WWOX: variants seen among roughly 807,000 people sequenced by gnomAD.
WWOX encodes the protein WW domain containing oxidoreductase.
WWOX carries 69 observed loss-of-function variants against 46.2 expected under a neutral mutation model. The observed-to-expected ratio is 1.49, with a 90% CI of 1.23 to 1.82. WWOX has a LOEUF of 1.82. WWOX is among the 40% of genes most tolerant of loss of function. The probability of loss-of-function intolerance (pLI) is 0.00; values close to 1 mark genes in which losing one functional copy is unlikely to be tolerated. For missense variants in WWOX, 919 were observed against 542.6 expected (o/e 1.69, Z -6.89); for synonymous variants, 359 against 202.6 (o/e 1.77, Z -6.56).
At chr16:78,575,750 C>T (rs549472143) in intron 8 of WWOX, among the ~76,000 whole-genome samples, 2 of 152,248 alleles carry the variant, frequency 1.3e-5, no homozygotes, top group African/African-American at 4.8e-5. Context: ...TTCATTAAAT[C>T]ACAACTCTAT....
chr16:78,993,386 A>G (rs1011164842), intron 8 of WWOX, among the ~76,000 whole-genome samples: 1 of 152,146 alleles, frequency 6.6e-6, no homozygotes, highest in African/African-American at 2.4e-5. Context: ...CAAGAGGGTA[A>G]TGTGTCATTA....
In WWOX at chr16:78,644,951, G is replaced by A. The variant is rs145307105; in HGVS notation, c.1056+212199G>A. Among the ~76,000 whole-genome samples the A allele has an allele frequency of 1.9e-3, 292 of 152,266 alleles. 3 individuals carry two copies. Among genetic ancestry groups the A allele is most frequent in the Non-Finnish European group, 3.2e-3 (219 of 68,026 alleles). ...TATTTTTGTGGAATTCTTTGAACTC[G>A]TTACTATTAGTAAACGGTGAGTTTT... On this transcript the variant is annotated intron_variant, in intron 8 of 8. Transcript: ENST00000566780.
chr16:78,330,555 G>T (rs1054567209), intron 5 of WWOX, among the ~76,000 whole-genome samples: 1 of 152,066 alleles, frequency 6.6e-6, no homozygotes, highest in Non-Finnish European at 1.5e-5. Context: ...TGCCACCACC[G>T]CCAGCTAATT....
intron 8 of WWOX, among the ~76,000 whole-genome samples, chr16:78,968,110 G>A (rs1226161881): frequency 6.7e-6 from 1 of 148,676 alleles, no homozygotes; most frequent in African/African-American, 2.6e-5. Context: ...ACAGCGCGTG[G>A]TCCGCGTGGC....
intron 8 of WWOX, among the ~76,000 whole-genome samples, chr16:79,145,687 A>T (rs1469507390): frequency 6.6e-6 from 1 of 152,262 alleles, no homozygotes; most frequent in East Asian, 1.9e-4. Flanking sequence ...AACTTCTGTA[A>T]TTATAATCCT....
At chr16:78,567,750 A>T (rs1404935196) in intron 8 of WWOX, among the ~76,000 whole-genome samples, 1 of 151,832 alleles carries the variant, frequency 6.6e-6, no homozygotes, top group Non-Finnish European at 1.5e-5. Context: ...TGAGTCGGGG[A>T]GAAAAGGACA....
At chr16:78,376,251 T>A (rs1363661529) in intron 5 of WWOX, among the ~76,000 whole-genome samples, 1 of 123,988 alleles carries the variant, frequency 8.1e-6, no homozygotes, top group East Asian at 1.9e-4. Context: ...GCTTAGAGAA[T>A]GTAAGTAAAA....
At chr16:78,451,215 C>T (rs1381667397) in intron 8 of WWOX, among the ~76,000 whole-genome samples, 1 of 152,172 alleles carries the variant, frequency 6.6e-6, no homozygotes, top group Non-Finnish European at 1.5e-5. Context: ...GCAAGTCCTC[C>T]TGACCAGGGA....
At chr16:78,817,551 C>G (rs1277102025) in intron 8 of WWOX, among the ~76,000 whole-genome samples, 1 of 152,196 alleles carries the variant, frequency 6.6e-6, no homozygotes, top group African/African-American at 2.4e-5. Flanking sequence ...AATCAAAATT[C>G]ACGAACCCAT....
chr16:78,432,836 C>A, intron 8 of WWOX, 84 bp downstream of exon 8: 1 of 1,595,766 alleles, frequency 6.3e-7, no homozygotes, highest in East Asian at 2.2e-5. Context: ...TTACCTCTTG[C>A]GGGCATGAGT....
chr16:78,493,096 G>T (rs889278713), intron 8 of WWOX, among the ~76,000 whole-genome samples: 2 of 152,102 alleles, frequency 1.3e-5, no homozygotes, highest in African/African-American at 4.8e-5. Context: ...ACAACTCGGG[G>T]AATTTTAGGT....
chr16:78,575,490 A>G (rs1232230110), intron 8 of WWOX, among the ~76,000 whole-genome samples: 1 of 151,994 alleles, frequency 6.6e-6, no homozygotes, highest in Non-Finnish European at 1.5e-5. Context: ...TGCATGGAGG[A>G]CAAGAAGGCA....
At chr16:78,689,997 A>G (rs998000417) in intron 8 of WWOX, among the ~76,000 whole-genome samples, 2 of 151,964 alleles carry the variant, frequency 1.3e-5, no homozygotes, top group Non-Finnish European at 2.9e-5. Flanking sequence ...AGTAGCTGGG[A>G]TTACAGGTGC....
At chr16:78,787,706 T>A (rs1040908980) in intron 8 of WWOX, among the ~76,000 whole-genome samples, 2 of 152,212 alleles carry the variant, frequency 1.3e-5, no homozygotes, top group African/African-American at 4.8e-5. Flanking sequence ...CTGGGTAATA[T>A]GGCAATTTTA....
At chr16:78,942,834 C>G (rs568682780) in intron 8 of WWOX, among the ~76,000 whole-genome samples, 1 of 152,188 alleles carries the variant, frequency 6.6e-6, no homozygotes, top group African/African-American at 2.4e-5. Context: ...GGATGAATTC[C>G]AAATCCCGTG....
chr16:78,994,614 C>G (rs889426828), intron 8 of WWOX, among the ~76,000 whole-genome samples: 1 of 152,162 alleles, frequency 6.6e-6, no homozygotes, highest in Admixed American at 6.5e-5. Context: ...GCGCAAACTC[C>G]CAAACCAGAA....
chr16:78,558,504 C>T (rs1004912036), intron 8 of WWOX, among the ~76,000 whole-genome samples: 2 of 152,204 alleles, frequency 1.3e-5, no homozygotes, highest in African/African-American at 4.8e-5. Flanking sequence ...AGCGGCTGCC[C>T]CTCTTTAGCT....
chr16:78,587,435 C>G (rs571220295), intron 8 of WWOX, among the ~76,000 whole-genome samples: 1 of 152,088 alleles, frequency 6.6e-6, no homozygotes, highest in Non-Finnish European at 1.5e-5. Context: ...CAGCAACTCT[C>G]TTACAGATTT....
At chr16:78,420,237 C>G (rs2082890953) in intron 6 of WWOX, among the ~76,000 whole-genome samples, 1 of 152,052 alleles carries the variant, frequency 6.6e-6, no homozygotes, top group African/African-American at 2.4e-5. Context: ...CATTGAATTA[C>G]CATATGACCC....
Sources: allele counts gnomAD v4.1 joint callset (sites outside exome capture counted in the v4.1 genomes callset), GRCh38; gene constraint gnomAD v4.1.1; transcripts MANE v1.5; gene names NCBI Gene and HGNC (gene_info 2026-07-23, HGNC 2026-07-21).